Variants in ADAM10 observed in about 807,000 individuals in gnomAD.
The protein encoded by ADAM10 is ADAM metallopeptidase domain 10.
Under a neutral mutation model 90.1 loss-of-function variants are expected in ADAM10, and 17 were observed. That is an observed-to-expected ratio of 0.19 (90% CI 0.13 to 0.28). The LOEUF (loss-of-function observed/expected upper bound fraction) is 0.28, where lower values mean the gene tolerates loss of function less well. Among genes scored for constraint, ADAM10 ranks in the 10% least tolerant of loss-of-function variants. The probability of loss-of-function intolerance (pLI) is 1.00; values close to 1 mark genes in which losing one functional copy is unlikely to be tolerated. For synonymous variants in ADAM10, 310 were observed against 298.6 expected (o/e 1.04, Z -0.40); for missense variants, 610 against 914.3 (o/e 0.67, Z 4.29).
chr15:58,732,081 T>C (rs1376457584), intron 1 of ADAM10: 1 of 152,170 alleles, frequency 6.6e-6, no homozygotes, highest in Non-Finnish European at 1.5e-5. Context: ...TTGAATAGCT[T>C]TGAAGTTTTC....
Position 58,597,367 on chromosome 15 carries a change from G to T in ADAM10, c.*180C>A, listed in dbSNP as rs2140984479. On this transcript the variant is annotated 3_prime_UTR_variant, in exon 16 of 16. Transcript: ENST00000260408. Reference sequence around the variant, plus strand: ...TTTTCCACCTCCCACCCCCAAATTGGAATTTTCAGGCTTTAAAATTTAAGT... The same window carrying T: ...TTTTCCACCTCCCACCCCCAAATTGTAATTTTCAGGCTTTAAAATTTAAGT... 6.5e-7 allele frequency: 1 copy of T among 1,542,082 alleles called. No homozygotes were observed. The highest frequency in any genetic ancestry group is 2.4e-5 in the East Asian group (1 of 40,844).
intron 5 of ADAM10, among the ~76,000 whole-genome samples, chr15:58,653,158 G>T (rs1305574352): frequency 6.6e-6 from 1 of 152,126 alleles, no homozygotes; most frequent in Non-Finnish European, 1.5e-5. Context: ...TATATCATCT[G>T]CAAACAAGGA....
chr15:58,726,546 C>A (rs1198818781), intron 1 of ADAM10, among the ~76,000 whole-genome samples: 4 of 104,428 alleles, frequency 3.8e-5, no homozygotes, highest in Non-Finnish European at 6.8e-5. Context: ...GCCTGGGCGA[C>A]AGAGCGAGAC....
intron 9 of ADAM10, among the ~76,000 whole-genome samples, chr15:58,632,975 C>A (rs1896143754): frequency 6.6e-6 from 1 of 152,150 alleles, no homozygotes; most frequent in Non-Finnish European, 1.5e-5. Flanking sequence ...AAATCCCTTG[C>A]CTTCACAGAA....
At position 58,610,064 on chromosome 15, in the gene ADAM10, G is replaced by A. The variant is rs1051367379; in HGVS notation, c.2025+233C>T. The stretch of plus-strand genomic sequence containing the variant: ...TCCAGGAGATGAACTAAGGAGCACG[G>A]TAAAACAGAATGACTCCCATCACCT... On this transcript the variant is annotated intron_variant, in intron 14 of 15. Transcript: ENST00000260408. 1.3e-5 allele frequency: 7 copies of A among 551,608 alleles called. No homozygotes were observed. In the African/African-American group the frequency reaches 1.3e-4, roughly 11 times the overall value. 34.2% of individuals were successfully genotyped at this position (551,608 alleles called of 1,614,324 possible).
At chr15:58,733,516 C>T (rs1337094268) in intron 1 of ADAM10, among the ~76,000 whole-genome samples, 1 of 152,138 alleles carries the variant, frequency 6.6e-6, no homozygotes, top group Non-Finnish European at 1.5e-5. Flanking sequence ...AGATAAAGGC[C>T]TTATTGTTTA....
In ADAM10 at chr15:58,749,546, G is replaced by T; in HGVS notation, c.-12C>A. On this transcript the variant is annotated 5_prime_UTR_variant, in exon 1 of 16. Coordinates refer to ENST00000260408, the MANE Select transcript of ADAM10 (RefSeq NM_001110.4). ...CTCAGCAACACCATCTTCCGCTGCCGCTGCCGCCGCCGCCGCCTCCTCACG... is the reference window on the plus strand; with the variant it reads ...CTCAGCAACACCATCTTCCGCTGCCTCTGCCGCCGCCGCCGCCTCCTCACG... 1 of 1,551,228 alleles carries T rather than the reference G, an allele frequency of 6.4e-7. No homozygotes were observed. Among genetic ancestry groups the T allele is most frequent in the Non-Finnish European group, 8.7e-7 (1 of 1,146,894 alleles).
chr15:58,628,797 C>T (rs1317407083), intron 9 of ADAM10, among the ~76,000 whole-genome samples: 1 of 152,230 alleles, frequency 6.6e-6, no homozygotes, highest in Admixed American at 6.5e-5. Flanking sequence ...CAACCCCACT[C>T]TCAAGAAAGA....
At chr15:58,637,263 G>C (rs1164247581) in intron 8 of ADAM10, among the ~76,000 whole-genome samples, 1 of 152,156 alleles carries the variant, frequency 6.6e-6, no homozygotes, top group South Asian at 2.1e-4. Context: ...AAATAGAGGA[G>C]TACTGAAGGT....
At chr15:58,728,958 GA>G (rs1225227149) in intron 1 of ADAM10, among the ~76,000 whole-genome samples, 5 of 152,114 alleles carry the variant, frequency 3.3e-5, no homozygotes, top group African/African-American at 4.8e-5. Flanking sequence ...AACATTGGGG[GA>G]AACCAACATC....
In ADAM10 at chr15:58,629,579, A is replaced by G. The variant is rs148944982; in HGVS notation, c.1177-1696T>C. On this transcript the variant is annotated intron_variant, in intron 9 of 15. Transcript: ENST00000260408. ...AGAAGCGTTTCACTAAGAAACTATA[A>G]TCTTTGTGACAAGAAAACAGAAAAA... 3 of 152,340 alleles carry G rather than the reference A, an allele frequency of 2.0e-5. No individual in the cohort carries two copies. The East Asian group carries it at 5.8e-4, about 29-fold the overall frequency. 9.4% of individuals were successfully genotyped at this position (152,340 alleles called of 1,614,324 possible). A position where few individuals can be genotyped will look rare whatever the true frequency, so the allele number is the denominator to read the frequency against.
chr15:58,615,868 C>T (rs1895594535), intron 11 of ADAM10, among the ~76,000 whole-genome samples: 2 of 151,956 alleles, frequency 1.3e-5, no homozygotes, highest in African/African-American at 4.8e-5. Context: ...ATTAGTTGGG[C>T]ATGGTGGTAC....
At chr15:58,685,080 T>C (rs1365127923) in intron 2 of ADAM10, among the ~76,000 whole-genome samples, 1 of 150,574 alleles carries the variant, frequency 6.6e-6, no homozygotes, top group Non-Finnish European at 1.5e-5. Context: ...TATACCCATA[T>C]AACTGTATAC....
At chr15:58,655,665 CATA>C (rs1312616899) in intron 5 of ADAM10, among the ~76,000 whole-genome samples, 10 of 121,042 alleles carry the variant, frequency 8.3e-5, no homozygotes, top group African/African-American at 2.9e-4. Flanking sequence ...TACATACATA[CATA>C]CATACATACA....
rs1894792747 is a variant in ADAM10 at position 58,590,018 on chromosome 15, C to T, written c.*7529G>A. On this transcript the variant is annotated 3_prime_UTR_variant, in exon 16 of 16. Coordinates refer to ENST00000260408, the MANE Select transcript of ADAM10 (RefSeq NM_001110.4). Reference sequence around the variant, plus strand: ...TGAATGACTAGGCTGACATACCTTTCCCCAAAGAAAAATCAGCTATCAGTG... The same window carrying T: ...TGAATGACTAGGCTGACATACCTTTTCCCAAAGAAAAATCAGCTATCAGTG... 1 of 152,120 alleles carries T rather than the reference C, an allele frequency of 6.6e-6. No homozygotes were observed. The highest frequency in any genetic ancestry group is 2.4e-5 in the African/African-American group (1 of 41,426). The allele number at this position is 152,120 out of a possible 1,614,324, so 9.4% of individuals were successfully genotyped here. A position where few individuals can be genotyped will look rare whatever the true frequency, so the allele number is the denominator to read the frequency against.
chr15:58,727,537 G>C (rs1398579351), intron 1 of ADAM10, among the ~76,000 whole-genome samples: 8 of 152,096 alleles, frequency 5.3e-5, no homozygotes, highest in Non-Finnish European at 1.0e-4. Context: ...TCGCTATGTT[G>C]TCTAGGCTGG....
chr15:58,684,496 G>T (rs1345807274), intron 2 of ADAM10, among the ~76,000 whole-genome samples: 1 of 152,218 alleles, frequency 6.6e-6, no homozygotes, highest in Non-Finnish European at 1.5e-5. Flanking sequence ...AGAGACAGGA[G>T]ATTAAGCTCT....
chr15:58,729,940 C>G (rs1368239274), intron 1 of ADAM10, among the ~76,000 whole-genome samples: 1 of 142,928 alleles, frequency 7.0e-6, no homozygotes, highest in Admixed American at 7.5e-5. Context: ...CCAGCGTAAG[C>G]AACAGAACGA....
Position 58,737,554 on chromosome 15 carries a change from T to C in ADAM10, c.55+11926A>G, listed in dbSNP as rs535065057. On this transcript the variant is annotated intron_variant, in intron 1 of 15. Coordinates refer to ENST00000260408, the MANE Select transcript of ADAM10 (RefSeq NM_001110.4). ...AGTAACCCTCCCTGATCCTCCTCTC[T>C]CATTTATAAAATGAAAATAACAACA... 1.2e-4 allele frequency among the ~76,000 whole-genome samples: 19 copies of C among 152,286 alleles called. No homozygotes were observed. In the East Asian group the frequency reaches 2.9e-3, roughly 23 times the overall value.
Sources: allele counts gnomAD v4.1 joint callset (sites outside exome capture counted in the v4.1 genomes callset), GRCh38; gene constraint gnomAD v4.1.1; transcripts MANE v1.5; gene names NCBI Gene and HGNC (gene_info 2026-07-23, HGNC 2026-07-21).